MFHAS1: variants seen among roughly 807,000 people sequenced by gnomAD.
MFHAS1 encodes the protein multifunctional ROCO family signaling regulator 1.
In MFHAS1, 50 loss-of-function variants were observed where a neutral mutation model predicts 70.4. That is an observed-to-expected ratio of 0.71 (90% CI 0.57 to 0.90). The LOEUF (loss-of-function observed/expected upper bound fraction) is 0.90, where lower values mean the gene tolerates loss of function less well. MFHAS1 is among the 40% of genes least tolerant of loss of function. The pLI is 0.00. For missense variants in MFHAS1, 1,795 were observed against 1,347.6 expected (o/e 1.33, Z -5.20); for synonymous variants, 952 against 620.0 (o/e 1.54, Z -7.96).
chr8:8,841,784 G>A (rs1293131636), intron 1 of MFHAS1, among the ~76,000 whole-genome samples: 1 of 152,118 alleles, frequency 6.6e-6, no homozygotes, highest in Non-Finnish European at 1.5e-5. Flanking sequence ...CGAGAGTTTG[G>A]GTTGAACCAA....
At chr8:8,831,229 C>A (rs930043714) in intron 1 of MFHAS1, among the ~76,000 whole-genome samples, 18 of 151,984 alleles carry the variant, frequency 1.2e-4, no homozygotes, top group Non-Finnish European at 1.8e-4. Context: ...CTTAAAACCT[C>A]CTTATAGACT....
At chr8:8,816,118 G>C (rs1162713091) in intron 1 of MFHAS1, among the ~76,000 whole-genome samples, 5 of 152,204 alleles carry the variant, frequency 3.3e-5, no homozygotes, top group South Asian at 2.1e-4. Context: ...CTAAGCTGGA[G>C]TGACAGGAAG....
intron 1 of MFHAS1, among the ~76,000 whole-genome samples, chr8:8,813,292 T>A (rs1046117311): frequency 1.3e-5 from 2 of 152,224 alleles, no homozygotes; most frequent in African/African-American, 4.8e-5. Context: ...ACTATGTTAC[T>A]GGATTATGTG....
At chr8:8,831,064 G>T (rs1382709068) in intron 1 of MFHAS1, among the ~76,000 whole-genome samples, 1 of 151,934 alleles carries the variant, frequency 6.6e-6, no homozygotes, top group African/African-American at 2.4e-5. Flanking sequence ...CTGCATGGTT[G>T]GTGTCTGGTG....
chr8:8,863,303 G>C lies in MFHAS1; in HGVS notation c.2998+26758C>G, dbSNP rs112769715. Reference sequence around the variant, plus strand: ...GATTTTTAAATAATTTAATAACTGTGGGACAATTCACCCCCAATGGATATA... The same window carrying C: ...GATTTTTAAATAATTTAATAACTGTCGGACAATTCACCCCCAATGGATATA... On this transcript the variant is annotated intron_variant, in intron 1 of 2. Coordinates refer to ENST00000276282, the MANE Select transcript of MFHAS1 (RefSeq NM_004225.3). Among the ~76,000 whole-genome samples, 78 of 152,240 alleles carry C rather than the reference G, an allele frequency of 5.1e-4. 2 individuals carry two copies. The highest frequency in any genetic ancestry group is 1.9e-3 in the African/African-American group (77 of 41,526).
intron 1 of MFHAS1, among the ~76,000 whole-genome samples, chr8:8,877,696 A>C (rs1287557695): frequency 1.3e-5 from 2 of 152,170 alleles, no homozygotes; most frequent in Non-Finnish European, 2.9e-5. Context: ...TATGAGTCTG[A>C]GCAAATAATG....
intron 1 of MFHAS1, among the ~76,000 whole-genome samples, chr8:8,854,894 T>A (rs1808379315): frequency 6.6e-6 from 1 of 151,926 alleles, no homozygotes; most frequent in Non-Finnish European, 1.5e-5. Flanking sequence ...GGTTTTGGGT[T>A]TTTGGGGTTT....
intron 2 of MFHAS1, 40 bp downstream of exon 2, chr8:8,797,325 G>C: frequency 6.2e-7 from 1 of 1,609,476 alleles, no homozygotes; most frequent in Non-Finnish European, 8.5e-7. Flanking sequence ...GCTGGGATCA[G>C]GAGCCAGGTC....
chr8:8,878,670 AGAAAAAAAAAAAG>A (rs1809389413), intron 1 of MFHAS1, among the ~76,000 whole-genome samples: 2 of 147,000 alleles, frequency 1.4e-5, no homozygotes, highest in Admixed American at 6.9e-5. Context: ...TTTCAAAAAA[AGAAAAAAAAAAAG>A]GAAAAAAGGA....
At chr8:8,800,981 C>T (rs773373697) in intron 1 of MFHAS1, among the ~76,000 whole-genome samples, 13 of 152,012 alleles carry the variant, frequency 8.6e-5, no homozygotes, top group Admixed American at 2.6e-4. Context: ...TCTGGGAGGC[C>T]GAGGTGGGCG....
chr8:8,891,479 A>G lies in MFHAS1; in HGVS notation c.1580T>C (p.Val527Ala). 2 of 1,612,768 alleles carry G rather than the reference A, an allele frequency of 1.2e-6. No individual in the cohort carries two copies. The highest frequency in any genetic ancestry group is 1.7e-6 in the Non-Finnish European group (2 of 1,179,970). Residue 527 changes from valine (V) to alanine (A), a missense_variant, in exon 1 of 3, where the codon GTG becomes GCG. Val to Ala is a moderately conservative substitution (Grantham distance 64, BLOSUM62 0). Coordinates refer to ENST00000276282, the MANE Select transcript of MFHAS1 (RefSeq NM_004225.3). This position sits in a 1 kb window ranked among gnomAD's most constrained non-coding sequence, Gnocchi z 5.4. ...CACGATGCACACCACCGCGTGGGGC[A>G]CTCTCGCCCCGACCCGATGCAAGAA... ...GSFLHRVGAR[V>A]PHAVVCIVGT...
chr8:8,844,238 G>A (rs1341317305), intron 1 of MFHAS1, among the ~76,000 whole-genome samples: 3 of 152,100 alleles, frequency 2.0e-5, no homozygotes, highest in African/African-American at 4.8e-5. Context: ...CCTTCCATAG[G>A]AGCCCTAAAA....
chr8:8,796,603 G>A (rs1440762973), intron 2 of MFHAS1, among the ~76,000 whole-genome samples: 3 of 145,992 alleles, frequency 2.1e-5, no homozygotes, highest in African/African-American at 5.0e-5. Context: ...AGAATGGCCC[G>A]AACCCGGAAG....
At chr8:8,837,461 G>C (rs1442682823) in intron 1 of MFHAS1, among the ~76,000 whole-genome samples, 5 of 152,158 alleles carry the variant, frequency 3.3e-5, no homozygotes, top group African/African-American at 1.2e-4. Flanking sequence ...GGCCAACATG[G>C]TGAAACTCTG....
At chr8:8,880,411 C>A (rs1193140801) in intron 1 of MFHAS1, among the ~76,000 whole-genome samples, 1 of 152,098 alleles carries the variant, frequency 6.6e-6, no homozygotes, top group Non-Finnish European at 1.5e-5. Flanking sequence ...ATGTGACTTT[C>A]ACTCAATAGG....
intron 1 of MFHAS1, among the ~76,000 whole-genome samples, chr8:8,819,119 T>C (rs200635419): frequency 1.9e-5 from 1 of 51,376 alleles, no homozygotes; most frequent in African/African-American, 4.2e-5. Flanking sequence ...TAAAAAAGAA[T>C]CAAACAGCTC....
chr8:8,870,090 T>C (rs1024349189), intron 1 of MFHAS1, among the ~76,000 whole-genome samples: 2 of 152,140 alleles, frequency 1.3e-5, no homozygotes, highest in Non-Finnish European at 2.9e-5. Context: ...GGCTTTAATT[T>C]AGCTTAACAC....
intron 1 of MFHAS1, among the ~76,000 whole-genome samples, chr8:8,846,747 T>C (rs1412440882): frequency 6.6e-6 from 1 of 152,118 alleles, no homozygotes; most frequent in African/African-American, 2.4e-5. Context: ...GCTCATTCCC[T>C]TACTTCATTC....
intron 1 of MFHAS1, among the ~76,000 whole-genome samples, chr8:8,837,396 T>C (rs1023025068): frequency 6.6e-6 from 1 of 152,142 alleles, no homozygotes; most frequent in Admixed American, 6.5e-5. Context: ...ATCTCAACAC[T>C]TTGGGAGGCA....
Sources: gnomAD v4.1 joint callset for allele counts (sites outside exome capture counted in the v4.1 genomes callset) on GRCh38, gnomAD v4.1.1 for gene constraint, Gnocchi (gnomAD v3.1) non-coding constraint, MANE v1.5 for transcripts, NCBI Gene and HGNC (gene_info 2026-07-23, HGNC 2026-07-21) for gene names.